The following TAFA2 variants were observed in gnomAD, a reference collection of about 807,000 sequenced individuals.
TAFA2 encodes chemokine-like protein TAFA-2.
Under a neutral mutation model 18.8 loss-of-function variants are expected in TAFA2, and 7 were observed. The ratio of observed to expected loss-of-function variants is 0.37; its 90% confidence interval spans 0.21 to 0.70. TAFA2 has a LOEUF of 0.70. TAFA2 is among the 30% of genes least tolerant of loss of function. The pLI, the probability that TAFA2 is intolerant of heterozygous loss-of-function variation, is 0.53. For missense variants in TAFA2, 122 were observed against 158.1 expected (o/e 0.77, Z 1.23); for synonymous variants, 60 against 54.2 (o/e 1.11, Z -0.47).
intron 2 of TAFA2, among the ~76,000 whole-genome samples, chr12:61,784,720 T>C (rs959119225): frequency 3.3e-5 from 5 of 151,584 alleles, no homozygotes; most frequent in Non-Finnish European, 5.9e-5. Flanking sequence ...AAAAGTTTAT[T>C]TCAAATTTAC....
chr12:62,099,266 A>C (rs1869083934), intron 1 of TAFA2, among the ~76,000 whole-genome samples: 2 of 152,186 alleles, frequency 1.3e-5, no homozygotes, highest in African/African-American at 4.8e-5. Context: ...TAAATGAAAA[A>C]AAAAGTGAAT....
intron 2 of TAFA2, among the ~76,000 whole-genome samples, chr12:61,829,650 T>C (rs1019169871): frequency 1.1e-4 from 17 of 151,518 alleles, no homozygotes; most frequent in African/African-American, 4.1e-4. Context: ...AAAAAACATA[T>C]CAGCTAGATA....
rs567585055 is a variant in TAFA2 at position 61,841,646 on chromosome 12, C to G, written c.106+25674G>C. Among the ~76,000 whole-genome samples, 26 of 152,090 alleles carry G rather than the reference C, an allele frequency of 1.7e-4. No individual in the cohort carries two copies. In the South Asian group the frequency reaches 4.4e-3, roughly 26 times the overall value. On this transcript the variant is annotated intron_variant, in intron 2 of 4. Transcript: ENST00000416284. ...ATTTGGAGACTTTTGTGTTTTCATA[C>G]AAATTTCAGGATTTTTTTAAATTTC...
intron 1 of TAFA2, chr12:61,879,370 G>A (rs1414616935): frequency 8.6e-5 from 64 of 742,078 alleles, no homozygotes; most frequent in South Asian, 7.5e-4. Flanking sequence ...TCTGGCCCCC[G>A]GGCCTTCAGC....
At chr12:62,129,327 T>C (rs1484627838) in intron 1 of TAFA2, among the ~76,000 whole-genome samples, 1 of 152,062 alleles carries the variant, frequency 6.6e-6, no homozygotes, top group Admixed American at 6.6e-5. Context: ...GATCCAGTTG[T>C]ATTTCCATTC....
intron 1 of TAFA2, among the ~76,000 whole-genome samples, chr12:62,168,558 G>T (rs1028074573): frequency 6.6e-6 from 1 of 152,190 alleles, no homozygotes; most frequent in Non-Finnish European, 1.5e-5. Context: ...TTTAAGGCCA[G>T]GTGTCATGAC....
At chr12:62,200,513 C>T (rs752339130) in intron 1 of TAFA2, among the ~76,000 whole-genome samples, 2 of 152,136 alleles carry the variant, frequency 1.3e-5, no homozygotes, top group Non-Finnish European at 2.9e-5. Context: ...AACAGGGTAT[C>T]CTTTCCCTAT....
chr12:61,757,110 C>G (rs1209833798), intron 2 of TAFA2, among the ~76,000 whole-genome samples: 1 of 152,036 alleles, frequency 6.6e-6, no homozygotes, highest in African/African-American at 2.4e-5. Context: ...GAATTTTACT[C>G]ATGCTGCTCT....
intron 1 of TAFA2, among the ~76,000 whole-genome samples, chr12:62,199,090 T>C (rs2062660853): frequency 6.6e-6 from 1 of 152,230 alleles, no homozygotes; most frequent in Non-Finnish European, 1.5e-5. Context: ...GGCTTACTCA[T>C]GTGTCTGAAA....
chr12:62,135,690 C>G (rs1565756362), intron 1 of TAFA2: 1 of 152,066 alleles, frequency 6.6e-6, no homozygotes, highest in Non-Finnish European at 1.5e-5. Context: ...TTTACCATCT[C>G]TGAATTATTT....
At position 61,900,503 on chromosome 12, in the gene TAFA2, G is replaced by T. The variant is rs902705706; in HGVS notation, c.-1-33077C>A. The stretch of plus-strand genomic sequence containing the variant: ...ATTGACTTACAGTTAAGCATGGCTG[G>T]AGAGGCCTCAGGCAACTTGCAAACA... On this transcript the variant is annotated intron_variant, in intron 1 of 4. Transcript: ENST00000416284. 3.9e-5 allele frequency among the ~76,000 whole-genome samples: 6 copies of T among 152,322 alleles called. 1 individual carries two copies. The highest frequency in any genetic ancestry group is 3.9e-4 in the Admixed American group (6 of 15,304).
At chr12:62,053,686 C>T (rs1162416116) in intron 1 of TAFA2, among the ~76,000 whole-genome samples, 1 of 152,182 alleles carries the variant, frequency 6.6e-6, no homozygotes, top group African/African-American at 2.4e-5. Context: ...CTTTTCGCTC[C>T]TTTACAAGTT....
At chr12:62,196,263 C>T (rs1365599811), upstream of TAFA2, among the ~76,000 whole-genome samples, 1 of 152,174 alleles carries the variant, frequency 6.6e-6, no homozygotes, top group Non-Finnish European at 1.5e-5. Context: ...ATCTAGACCA[C>T]CAAAGCTTTC....
intron 1 of TAFA2, among the ~76,000 whole-genome samples, chr12:62,026,958 A>T (rs1281514495): frequency 6.6e-6 from 1 of 152,116 alleles, no homozygotes; most frequent in Non-Finnish European, 1.5e-5. Flanking sequence ...TTTAAAAATC[A>T]ACAGCTCGAA....
chr12:61,717,258 G>A (rs969433710), intron 4 of TAFA2, among the ~76,000 whole-genome samples: 6 of 152,130 alleles, frequency 3.9e-5, no homozygotes, highest in African/African-American at 9.7e-5. Context: ...GAGGTATTAC[G>A]AAATGAAAGA....
intron 1 of TAFA2, among the ~76,000 whole-genome samples, chr12:62,058,620 TC>T (rs869306683): frequency 2.7e-5 from 4 of 147,378 alleles, no homozygotes; most frequent in East Asian, 2.0e-4. Flanking sequence ...TTTTCTCACC[TC>T]CCCCCTTTTT....
intron 1 of TAFA2, among the ~76,000 whole-genome samples, chr12:62,107,800 A>C (rs1869526776): frequency 6.6e-6 from 1 of 152,234 alleles, no homozygotes; most frequent in African/African-American, 2.4e-5. Flanking sequence ...ACTACTAAAT[A>C]AAATACAAAT....
intron 4 of TAFA2, among the ~76,000 whole-genome samples, chr12:61,726,058 A>G (rs1870152286): frequency 6.6e-6 from 1 of 151,498 alleles, no homozygotes; most frequent in African/African-American, 2.4e-5. Flanking sequence ...ACACGTGGGG[A>G]AATAACATCA....
At chr12:61,972,157 A>G (rs1208112938) in intron 1 of TAFA2, among the ~76,000 whole-genome samples, 1 of 151,640 alleles carries the variant, frequency 6.6e-6, no homozygotes, top group Non-Finnish European at 1.5e-5. Context: ...TAAGCCTGTC[A>G]TGGAGGTTTG....
Sources: allele counts gnomAD v4.1 joint callset (sites outside exome capture counted in the v4.1 genomes callset), GRCh38; gene constraint gnomAD v4.1.1; transcripts MANE v1.5; gene names NCBI Gene and HGNC (gene_info 2026-07-23, HGNC 2026-07-21).